Variants in TMEM168 observed in about 807,000 individuals in gnomAD.
TMEM168 encodes the protein transmembrane protein 168.
A neutral mutation model predicts 53.2 loss-of-function variants in TMEM168; 40 were observed. The ratio of observed to expected loss-of-function variants is 0.75; its 90% CI spans 0.58 to 0.98. The LOEUF (loss-of-function observed/expected upper bound fraction) is 0.98, where lower values mean the gene tolerates loss of function less well. TMEM168 is among the 50% of genes least tolerant of loss of function. The probability of loss-of-function intolerance (pLI) is 0.00; values close to 1 mark genes in which losing one functional copy is unlikely to be tolerated. For synonymous variants in TMEM168, 282 were observed against 293.0 expected (o/e 0.96, Z 0.38); for missense variants, 771 against 828.8 (o/e 0.93, Z 0.86).
intron 2 of TMEM168, among the ~76,000 whole-genome samples, chr7:112,781,088 T>A (rs900777320): frequency 1.3e-5 from 2 of 151,236 alleles, no homozygotes; most frequent in African/African-American, 4.9e-5. Flanking sequence ...CAAACATGCA[T>A]TTACCTCTAG....
chr7:112,775,312 T>C lies in TMEM168; in HGVS notation c.1135A>G (p.Asn379Asp). 6.2e-7 allele frequency: 1 copy of C among 1,612,356 alleles called. No homozygotes were observed. The highest frequency in any genetic ancestry group is 8.5e-7 in the Non-Finnish European group (1 of 1,179,210). ...AGAAACATGCTCAAGAAAATTCCATTTGTTGGCTAAAAGAAATCCAAAACA... is the reference window on the plus strand; with the variant it reads ...AGAAACATGCTCAAGAAAATTCCATCTGTTGGCTAAAAGAAATCCAAAACA... ...ILGAVSWQPT[N>D]GIFLSMFLIV... The change falls in exon 3 of 5, where the codon AAT becomes GAT. Residue 379 changes from asparagine to aspartate, a missense_variant. Coordinates refer to ENST00000312814, the MANE Select transcript of TMEM168 (RefSeq NM_022484.6).
chr7:112,787,362 A>G (rs1443976103), intron 1 of TMEM168, among the ~76,000 whole-genome samples: 1 of 149,876 alleles, frequency 6.7e-6, no homozygotes, highest in Non-Finnish European at 1.5e-5. Flanking sequence ...TTCACTCAGT[A>G]TCCTGCATAT....
chr7:112,771,980 T>A (rs1031185623), intron 4 of TMEM168, among the ~76,000 whole-genome samples: 1 of 152,138 alleles, frequency 6.6e-6, no homozygotes, highest in African/African-American at 2.4e-5. Context: ...TCCTCTACTA[T>A]GTATTGGGCT....
chr7:112,787,634 C>G (rs1252341721), intron 1 of TMEM168, among the ~76,000 whole-genome samples: 2 of 149,122 alleles, frequency 1.3e-5, no homozygotes, highest in Non-Finnish European at 3.0e-5. Flanking sequence ...AGGCTGGTCT[C>G]AAACTCCTGA....
At chr7:112,768,051 A>G (rs1416432946) in intron 4 of TMEM168, among the ~76,000 whole-genome samples, 1 of 152,224 alleles carries the variant, frequency 6.6e-6, no homozygotes, top group Non-Finnish European at 1.5e-5. Flanking sequence ...AGTGAAAACA[A>G]CTATACAGAA....
At chr7:112,769,176 G>A (rs1287891729) in intron 4 of TMEM168, among the ~76,000 whole-genome samples, 1 of 152,122 alleles carries the variant, frequency 6.6e-6, no homozygotes, top group African/African-American at 2.4e-5. Flanking sequence ...TATTCTTTAT[G>A]TGTCATTTAT....
Position 112,772,775 on chromosome 7 carries a change from GTT to G in TMEM168, c.1546+4_1546+5del. 6.2e-7 allele frequency: 1 copy of G among 1,608,174 alleles called. No individual in the cohort carries two copies. The highest frequency in any genetic ancestry group is 1.3e-5 in the African/African-American group (1 of 74,902). Reference sequence around the variant, plus strand: ...ACAATAGTGAAACTGCCAAAGGTGAGTTTACCTGCTAGAGCCCACTCTCCTGT... The same window carrying G: ...ACAATAGTGAAACTGCCAAAGGTGAGTACCTGCTAGAGCCCACTCTCCTGT... On this transcript the variant is annotated splice_donor_5th_base_variant and intron_variant, in intron 4 of 4. Transcript: ENST00000312814.
At position 112,767,625 on chromosome 7, in the gene TMEM168, C is replaced by T. The variant is rs755638560; in HGVS notation, c.1666G>A (p.Val556Met). The T allele has an allele frequency of 2.5e-6, 4 of 1,614,104 alleles. No homozygotes were observed. Among genetic ancestry groups the T allele is most frequent in the Non-Finnish European group, 3.4e-6 (4 of 1,180,006 alleles). The change falls in exon 5 of 5, where the codon GTG becomes ATG. Residue 556 changes from valine (V) to methionine (M), a missense_variant. Val to Met is a conservative substitution (Grantham distance 21, BLOSUM62 1). Coordinates refer to ENST00000312814, the MANE Select transcript of TMEM168 (RefSeq NM_022484.6). ...SENSTPWVKE[V>M]RKINDQYIAV... is the part of the protein sequence containing the mutation. ...ATATACTGGTCATTAATTTTCCTCACTTCTTTCACCCAAGGGGTTGAATTT... is the reference window on the plus strand; with the variant it reads ...ATATACTGGTCATTAATTTTCCTCATTTCTTTCACCCAAGGGGTTGAATTT...
rs1270384160 is a variant in TMEM168 at position 112,764,346 on chromosome 7, A to T, written c.*2851T>A. The T allele has an allele frequency of 6.6e-6, 1 of 152,064 alleles. No individual in the cohort carries two copies. The highest frequency in any genetic ancestry group is 1.5e-5 in the Non-Finnish European group (1 of 68,010). The allele number at this position is 152,064 out of a possible 1,614,324, so 9.4% of individuals were successfully genotyped here. ...GAATGGTAAAGTTTTGCCCTAAAAT[A>T]ATTCCTTTCACTCCAAGCAACTCTT... On this transcript the variant is annotated 3_prime_UTR_variant, in exon 5 of 5. Transcript: ENST00000312814.
At position 112,786,594 on chromosome 7, in the gene TMEM168, T is replaced by C. The variant is rs551828494; in HGVS notation, c.-128-1641A>G. Among the ~76,000 whole-genome samples the C allele has an allele frequency of 1.2e-3, 188 of 150,918 alleles. 1 individual carries two copies. Among genetic ancestry groups the C allele is most frequent in the Non-Finnish European group, 2.3e-3 (159 of 68,002 alleles). On this transcript the variant is annotated intron_variant, in intron 1 of 4. Transcript: ENST00000312814. ...AGAAACTGACAAAATCTGGAATGCA[T>C]TGAGTTTTTTTTTTTTAAACATCAC...
At chr7:112,781,292 T>A (rs1793225593) in intron 2 of TMEM168, among the ~76,000 whole-genome samples, 1 of 152,096 alleles carries the variant, frequency 6.6e-6, no homozygotes, top group African/African-American at 2.4e-5. Context: ...TAGTACACTG[T>A]ACCCAACAAC....
intron 2 of TMEM168, among the ~76,000 whole-genome samples, chr7:112,776,970 G>C (rs549226282): frequency 6.6e-6 from 1 of 152,166 alleles, no homozygotes; most frequent in African/African-American, 2.4e-5. Context: ...ATGAGGTTAA[G>C]TACCTTTCAC....
chr7:112,778,474 G>T (rs1793149370), intron 2 of TMEM168: 1 of 152,038 alleles, frequency 6.6e-6, no homozygotes, highest in Admixed American at 6.6e-5. Context: ...CTTATTTTAT[G>T]TTTCTGTTCT....
chr7:112,767,545 C>A lies in TMEM168; in HGVS notation c.1746G>T (p.Pro582=). The A allele has an allele frequency of 6.2e-7, 1 of 1,614,108 alleles. No individual in the cohort carries two copies. Among genetic ancestry groups the A allele is most frequent in the Non-Finnish European group, 8.5e-7 (1 of 1,179,994 alleles). Residue 582 remains proline, a synonymous_variant, in exon 5 of 5, where the codon CCG becomes CCT. Coordinates refer to ENST00000312814, the MANE Select transcript of TMEM168 (RefSeq NM_022484.6). ...CTTTTGTAAAGTCACCTAGCTGTGG[C>A]GGGTCAGCTTCTTCAATATCTACTG... The part of the protein sequence containing the change: ...IKTVDIEEAD[P]PQLGDFTKDW...
At chr7:112,788,611 A>T (rs1793455039) in intron 1 of TMEM168, 1 of 152,216 alleles carries the variant, frequency 6.6e-6, no homozygotes, top group Admixed American at 6.5e-5. Context: ...CTAATGATTC[A>T]ATGGACAATT....
chr7:112,773,544 A>C (rs1247322852), intron 3 of TMEM168, among the ~76,000 whole-genome samples: 1 of 151,684 alleles, frequency 6.6e-6, no homozygotes, highest in African/African-American at 2.4e-5. Flanking sequence ...CTTAAGGTAC[A>C]TAAATAATAG....
intron 1 of TMEM168, among the ~76,000 whole-genome samples, chr7:112,788,892 C>G (rs1197266796): frequency 6.6e-6 from 1 of 151,808 alleles, no homozygotes; most frequent in Non-Finnish European, 1.5e-5. Context: ...CTCTTGCCCT[C>G]TCTAAGAAGT....
rs1292325466 is a variant in TMEM168 at position 112,763,885 on chromosome 7, AAT to A, written c.*3310_*3311del. ...TTTTTAAAGCATAACTGGTCATAAG[AAT>A]AATCCTCTGAAATGCATCTTTTCCA... On this transcript the variant is annotated 3_prime_UTR_variant, in exon 5 of 5. Transcript: ENST00000312814. 6.6e-6 allele frequency: 1 copy of A among 152,236 alleles called. No individual in the cohort carries two copies. Among genetic ancestry groups the A allele is most frequent in the East Asian group, 1.9e-4 (1 of 5,182 alleles). The allele number at this position is 152,236 out of a possible 1,614,324, so 9.4% of individuals were successfully genotyped here. A position where few individuals can be genotyped will look rare whatever the true frequency, so the allele number is the denominator to read the frequency against.
intron 4 of TMEM168, among the ~76,000 whole-genome samples, chr7:112,768,618 ATTTTGAT>A (rs1444622102): frequency 2.0e-5 from 3 of 152,124 alleles, no homozygotes; most frequent in Admixed American, 6.6e-5. Context: ...TTTTGCATTA[ATTTTGAT>A]TTTTAAGTAT....
Sources: gnomAD v4.1 joint callset for allele counts (sites outside exome capture counted in the v4.1 genomes callset) on GRCh38, gnomAD v4.1.1 for gene constraint, MANE v1.5 for transcripts, NCBI Gene and HGNC (gene_info 2026-07-23, HGNC 2026-07-21) for gene names.